XK: variants seen among roughly 807,000 people sequenced by gnomAD.
XK encodes X-linked Kx blood group antigen, Kell and VPS13A binding protein.
A neutral mutation model predicts 14.0 loss-of-function variants in XK; 2 were observed. The ratio of observed to expected loss-of-function variants is 0.14; its 90% CI spans 0.06 to 0.45. The LOEUF (loss-of-function observed/expected upper bound fraction) is 0.45. Ranked by LOEUF, XK falls within the 20% of genes least tolerant of loss-of-function variation. XK has a pLI of 0.98. For missense variants in XK, 235 were observed against 341.5 expected (o/e 0.69, Z 2.46); for synonymous variants, 149 against 147.5 (o/e 1.01, Z -0.08).
intron 2 of XK, among the ~76,000 whole-genome samples, chrX:37,699,672 T>G (rs1416610354): frequency 8.9e-6 from 1 of 112,231 alleles, no homozygotes; most frequent in African/African-American, 3.2e-5. Flanking sequence ...CAGGACAATG[T>G]TTTGATTGAA....
intron 2 of XK, among the ~76,000 whole-genome samples, chrX:37,694,844 G>A (rs782109445): frequency 1.8e-5 from 2 of 111,908 alleles, no homozygotes; most frequent in African/African-American, 6.5e-5. Flanking sequence ...ATGTCTTGTT[G>A]TTCACATGTT....
intron 2 of XK, among the ~76,000 whole-genome samples, chrX:37,699,805 G>T (rs1556443363): frequency 9.0e-6 from 1 of 111,731 alleles, no homozygotes; most frequent in African/African-American, 3.3e-5. Context: ...GGCCGGGCTT[G>T]ATCAGGGCTC....
intron 2 of XK, among the ~76,000 whole-genome samples, chrX:37,715,110 A>G (rs1042990350): frequency 2.7e-5 from 3 of 110,088 alleles, no homozygotes; most frequent in Non-Finnish European, 3.8e-5. Flanking sequence ...GTGTGTATAT[A>G]TATATATTTC....
chrX:37,717,823 C>A (rs782251756), intron 2 of XK, among the ~76,000 whole-genome samples: 1 of 111,849 alleles, frequency 8.9e-6, no homozygotes, highest in East Asian at 2.8e-4. Context: ...TAAGAATTTT[C>A]TTTTAACAGT....
rs782278648 is a variant in XK at position 37,709,661 on chromosome X, C to T, written c.508+15113C>T. Among the ~76,000 whole-genome samples, 6 of 112,005 alleles carry T rather than the reference C, an allele frequency of 5.4e-5. No homozygotes were observed. In the South Asian group the frequency reaches 1.9e-3, roughly 35 times the overall value. ...TAGGATAATACATTTTTTAAACTAG[C>T]ACATTTAAAAATCAATAGTACAATT... On this transcript the variant is annotated intron_variant, in intron 2 of 2. Transcript: ENST00000378616.
chrX:37,712,708 C>T (rs1252176111), intron 2 of XK, among the ~76,000 whole-genome samples: 3 of 111,411 alleles, frequency 2.7e-5, no homozygotes, highest in Non-Finnish European at 3.8e-5. Context: ...TTGTTTTGCT[C>T]GTTTGTGCAT....
At chrX:37,699,897 G>A (rs538203683) in intron 2 of XK, among the ~76,000 whole-genome samples, 5 of 110,972 alleles carry the variant, frequency 4.5e-5, no homozygotes, top group African/African-American at 3.3e-5. Context: ...CACAGTGGGC[G>A]GGAATAAGCA....
chrX:37,694,212 G>T, intron 1 of XK, 74 bp from the exon 2 acceptor site: 1 of 1,178,843 alleles, frequency 8.5e-7, no homozygotes, highest in Non-Finnish European at 1.1e-6. Flanking sequence ...TCAGGCTAAA[G>T]GTAAGTAGGA....
chrX:37,698,930 G>T (rs1194090213), intron 2 of XK, among the ~76,000 whole-genome samples: 1 of 112,195 alleles, frequency 8.9e-6, no homozygotes, highest in Non-Finnish European at 1.9e-5. Context: ...ATGAAGAAAA[G>T]AAGCCAGGTG....
intron 2 of XK, among the ~76,000 whole-genome samples, chrX:37,724,278 T>G (rs1372061220): frequency 9.0e-6 from 1 of 111,412 alleles, no homozygotes; most frequent in Non-Finnish European, 1.9e-5. Context: ...GAATTGAATT[T>G]TAAGAATCAA....
rs1928029534 is a variant in XK, at chrX:37,728,732, C to T, written c.*270C>T. On this transcript the variant is annotated 3_prime_UTR_variant, in exon 3 of 3. Coordinates refer to ENST00000378616, the MANE Select transcript of XK (RefSeq NM_021083.4). The stretch of plus-strand genomic sequence containing the variant: ...TAGGCATTACTGGCCTTTTCACTGA[C>T]AAGTTACCCCTGAAATCTGAGTTGT... 1 of 359,215 alleles carries T rather than the reference C, an allele frequency of 2.8e-6. No individual in the cohort carries two copies. Among genetic ancestry groups the T allele is most frequent in the Non-Finnish European group, 4.9e-6 (1 of 203,881 alleles). 29.6% of individuals were successfully genotyped at this position (359,215 alleles called of 1,213,427 possible).
intron 1 of XK, 152 bp downstream of exon 1, chrX:37,686,358 C>T (rs970748011): frequency 1.1e-5 from 11 of 1,038,513 alleles, no homozygotes; most frequent in Non-Finnish European, 1.3e-5. Flanking sequence ...CCCCATTATT[C>T]CAGTCAGGAA....
intron 2 of XK, among the ~76,000 whole-genome samples, chrX:37,708,013 G>C (rs1010933817): frequency 8.9e-6 from 1 of 112,570 alleles, no homozygotes; most frequent in Admixed American, 9.4e-5. Context: ...AGACCAGCCC[G>C]GCCAACACAG....
In XK at chrX:37,710,177, G is replaced by A. The variant is rs28998774; in HGVS notation, c.508+15629G>A. Reference sequence around the variant, plus strand: ...TCAAACCATTTCTCTCAATAAGGGGGAGTAACTTAATGGCTTTAAGTGAAC... The same window carrying A: ...TCAAACCATTTCTCTCAATAAGGGGAAGTAACTTAATGGCTTTAAGTGAAC... On this transcript the variant is annotated intron_variant, in intron 2 of 2. Coordinates refer to ENST00000378616, the MANE Select transcript of XK (RefSeq NM_021083.4). Among the ~76,000 whole-genome samples, 599 of 112,103 alleles carry A rather than the reference G, an allele frequency of 5.3e-3. 7 individuals carry two copies. Among genetic ancestry groups the A allele is most frequent in the African/African-American group, 0.018 (550 of 30,828 alleles).
intron 2 of XK, among the ~76,000 whole-genome samples, chrX:37,710,338 A>G (rs1290665093): frequency 8.9e-6 from 1 of 112,576 alleles, no homozygotes; most frequent in Non-Finnish European, 1.9e-5. Flanking sequence ...TTAACTGCTC[A>G]TGAGGTGCAC....
chrX:37,707,108 G>T (rs1404985561), intron 2 of XK, among the ~76,000 whole-genome samples: 2 of 112,235 alleles, frequency 1.8e-5, no homozygotes, highest in African/African-American at 3.2e-5. Context: ...CCACAAAACC[G>T]CCATTGTCAT....
chrX:37,728,102 C>G lies in XK; in HGVS notation c.975C>G (p.Phe325Leu). ...YQLLVYYMIRFIENAILLLLW... is the reference protein window; with the variant it reads ...YQLLVYYMIRLIENAILLLLW... ...TACTGGTGTATTACATGATAAGATT[C>G]ATCGAGAATGCCATCCTCCTCCTCC... is the stretch of plus-strand genomic sequence containing the variant. Residue 325 changes from phenylalanine to leucine, a missense_variant, in exon 3 of 3, where the codon TTC becomes TTG. By Grantham distance (22) the Phe-to-Leu change is conservative (BLOSUM62 0). Transcript: ENST00000378616. 8.3e-7 allele frequency: 1 copy of G among 1,211,512 alleles called. No individual in the cohort carries two copies. Among genetic ancestry groups the G allele is most frequent in the Non-Finnish European group, 1.1e-6 (1 of 895,403 alleles).
intron 2 of XK, among the ~76,000 whole-genome samples, chrX:37,723,506 T>C (rs1438826740): frequency 5.4e-5 from 6 of 111,369 alleles, no homozygotes; most frequent in Non-Finnish European, 9.5e-5. Context: ...TTATGCATTC[T>C]CAGAAGGTTT....
intron 1 of XK, among the ~76,000 whole-genome samples, chrX:37,687,789 T>G (rs1927113532): frequency 9.0e-6 from 1 of 111,469 alleles, no homozygotes; most frequent in Admixed American, 9.5e-5. Flanking sequence ...TGCAGAATCC[T>G]AGAAAGGAAA....
Sources: gnomAD v4.1 joint callset for allele counts (sites outside exome capture counted in the v4.1 genomes callset) on GRCh38, gnomAD v4.1.1 for gene constraint, MANE v1.5 for transcripts, NCBI Gene and HGNC (gene_info 2026-07-23, HGNC 2026-07-21) for gene names.